Variants in DMD observed in about 807,000 individuals in gnomAD.
DMD encodes the protein dystrophin.
A neutral mutation model predicts 330.1 loss-of-function variants in DMD; 63 were observed. The observed-to-expected ratio is 0.19, with a 90% CI of 0.16 to 0.24. DMD has a LOEUF of 0.24. Ranked by LOEUF, DMD falls within the 10% of genes least tolerant of loss-of-function variation. The probability of loss-of-function intolerance (pLI) is 1.00; values close to 1 mark genes in which losing one functional copy is unlikely to be tolerated. For missense variants in DMD, 3,344 were observed against 2,684.1 expected (o/e 1.25, Z -5.43); for synonymous variants, 1,223 against 959.8 (o/e 1.27, Z -5.07).
chrX:32,939,200 G>A (rs28539012), intron 2 of DMD, among the ~76,000 whole-genome samples: 4 of 102,930 alleles, frequency 3.9e-5, no homozygotes, highest in Admixed American at 1.1e-4. Context: ...ATATATATGT[G>A]TATATATATA....
chrX:31,584,798 A>C (rs1435194142), intron 55 of DMD, among the ~76,000 whole-genome samples: 6 of 110,723 alleles, frequency 5.4e-5, no homozygotes, highest in Non-Finnish European at 7.6e-5. Flanking sequence ...GTTAAAATGA[A>C]GGGTACCAGA....
chrX:31,949,165 A>T (rs1031105252), intron 45 of DMD, among the ~76,000 whole-genome samples: 2 of 111,207 alleles, frequency 1.8e-5, no homozygotes, highest in Non-Finnish European at 3.8e-5. Context: ...TTGTGCCAAG[A>T]TTGTGCAATT....
At chrX:32,347,743 GA>G (rs774600594) in intron 38 of DMD, among the ~76,000 whole-genome samples, 392 of 109,889 alleles carry the variant, frequency 3.6e-3, no homozygotes, top group Non-Finnish European at 5.2e-3. Context: ...GATGAAGAGA[GA>G]AAAAAAAAGT....
intron 7 of DMD, among the ~76,000 whole-genome samples, chrX:32,735,535 C>G (rs2068338579): frequency 9.0e-6 from 1 of 111,387 alleles, no homozygotes; most frequent in African/African-American, 3.3e-5. Flanking sequence ...GCTGCAGTAA[C>G]CAAAACAGCA....
At chrX:32,076,338 G>A (rs914346568) in intron 44 of DMD, among the ~76,000 whole-genome samples, 4 of 108,159 alleles carry the variant, frequency 3.7e-5, no homozygotes, top group African/African-American at 6.7e-5. Context: ...ACAATGTTGT[G>A]CTCTGGCCAT....
At position 32,654,658 on chromosome X, in the gene DMD, T is replaced by G. The variant is rs375928858; in HGVS notation, c.961-9506A>C. Among the ~76,000 whole-genome samples the G allele has an allele frequency of 3.9e-3, 432 of 111,878 alleles. 2 individuals are homozygous for G. Among genetic ancestry groups the G allele is most frequent in the Non-Finnish European group, 6.3e-3 (334 of 53,120 alleles). On this transcript the variant is annotated intron_variant, in intron 9 of 78. Coordinates refer to ENST00000357033, the MANE Select transcript of DMD (RefSeq NM_004006.3). Reference sequence around the variant, plus strand: ...CAGGCTTTGGTATCAGGATGATGCTTGCCTCATAAAATGAGTTAGGGAGGA... The same window carrying G: ...CAGGCTTTGGTATCAGGATGATGCTGGCCTCATAAAATGAGTTAGGGAGGA...
At position 32,899,332 on chromosome X, in the gene DMD, A is replaced by G. The variant is rs149766350; in HGVS notation, c.94-49512T>C. Among the ~76,000 whole-genome samples, 224 of 111,371 alleles carry G rather than the reference A, an allele frequency of 2.0e-3. 2 individuals are homozygous for G. Among genetic ancestry groups the G allele is most frequent in the African/African-American group, 7.1e-3 (218 of 30,700 alleles). On this transcript the variant is annotated intron_variant, in intron 2 of 78. Coordinates refer to ENST00000357033, the MANE Select transcript of DMD (RefSeq NM_004006.3). ...ATTTTATTTCAGTTCAGTTTGTATC[A>G]TTTTGAGTTCCTGTTTTTAATTTAG...
intron 2 of DMD, among the ~76,000 whole-genome samples, chrX:32,861,995 T>C (rs749772038): frequency 8.9e-6 from 1 of 112,193 alleles, no homozygotes; most frequent in East Asian, 2.8e-4. Context: ...AGGAATCATA[T>C]GTATCACTGG....
At chrX:32,358,618 G>T (rs1366565447) in intron 37 of DMD, among the ~76,000 whole-genome samples, 1 of 111,684 alleles carries the variant, frequency 9.0e-6, no homozygotes, top group South Asian at 3.7e-4. Context: ...TTTAAGGGGC[G>T]TATGTGGGAC....
chrX:31,434,398 A>C (rs2064312006), intron 60 of DMD, among the ~76,000 whole-genome samples: 1 of 89,450 alleles, frequency 1.1e-5, no homozygotes, highest in Non-Finnish European at 2.2e-5. Context: ...CCTGCCTCTC[A>C]CCCTTACTGC....
At chrX:32,545,824 A>G (rs1453954752) in intron 16 of DMD, among the ~76,000 whole-genome samples, 2 of 111,264 alleles carry the variant, frequency 1.8e-5, no homozygotes, top group Admixed American at 1.9e-4. Flanking sequence ...AATTATTTCA[A>G]CTTGGTAATG....
chrX:31,517,863 T>G (rs1374870098), intron 55 of DMD, among the ~76,000 whole-genome samples: 2 of 110,170 alleles, frequency 1.8e-5, no homozygotes, highest in Non-Finnish European at 1.9e-5. Context: ...ATAGAAATGT[T>G]ATTTAAAGTT....
intron 41 of DMD, among the ~76,000 whole-genome samples, chrX:32,339,375 A>T (rs1186843254): frequency 3.6e-5 from 4 of 112,229 alleles, no homozygotes; most frequent in African/African-American, 9.7e-5. Context: ...ATATATTAGA[A>T]ATGATTGGAA....
chrX:32,047,135 A>G (rs766298712), intron 44 of DMD, among the ~76,000 whole-genome samples: 1 of 111,493 alleles, frequency 9.0e-6, no homozygotes, highest in Non-Finnish European at 1.9e-5. Context: ...GCCAAAAAAC[A>G]TGAGAGTAAT....
intron 59 of DMD, among the ~76,000 whole-genome samples, chrX:31,472,953 G>C (rs1273661568): frequency 1.8e-5 from 2 of 112,146 alleles, no homozygotes; most frequent in African/African-American, 6.5e-5. Flanking sequence ...TGGCAGCCTG[G>C]GAGAGTTATT....
intron 44 of DMD, among the ~76,000 whole-genome samples, chrX:32,066,001 A>G (rs947650243): frequency 4.5e-5 from 5 of 111,638 alleles, no homozygotes; most frequent in Admixed American, 1.9e-4. Context: ...AACATGACAT[A>G]TCCATATCAA....
At chrX:31,897,456 T>A in intron 47 of DMD, among the ~76,000 whole-genome samples, 1 of 99,150 alleles carries the variant, frequency 1.0e-5, no homozygotes, top group East Asian at 3.2e-4. Context: ...GATGGCTGGG[T>A]CAAATGGTAT....
At chrX:32,456,225 T>C (rs1474255203) in intron 25 of DMD, among the ~76,000 whole-genome samples, 1 of 110,812 alleles carries the variant, frequency 9.0e-6, no homozygotes, top group Non-Finnish European at 1.9e-5. Context: ...GAGCCTAATA[T>C]AGATAATACT....
At chrX:32,733,774 G>T (rs1385460648) in intron 7 of DMD, among the ~76,000 whole-genome samples, 1 of 105,954 alleles carries the variant, frequency 9.4e-6, no homozygotes, top group Admixed American at 1.0e-4. Context: ...GTGTGTAGAG[G>T]GAAATTTATA....
Sources: allele counts gnomAD v4.1 joint callset (sites outside exome capture counted in the v4.1 genomes callset), GRCh38; gene constraint gnomAD v4.1.1; transcripts MANE v1.5; gene names NCBI Gene and HGNC (gene_info 2026-07-23, HGNC 2026-07-21).